Variants in PCCA observed in about 807,000 individuals in gnomAD.
PCCA encodes propionyl-CoA carboxylase subunit alpha, also known as propionyl-CoA carboxylase alpha chain, mitochondrial.
Under a neutral mutation model 101.3 loss-of-function variants are expected in PCCA, and 74 were observed. That is an observed-to-expected ratio of 0.73 (90% CI 0.61 to 0.89). The LOEUF is 0.89. Ranked by LOEUF, PCCA falls within the 40% of genes least tolerant of loss-of-function variation. The pLI, the probability that PCCA is intolerant of heterozygous loss-of-function variation, is 0.00. For synonymous variants in PCCA, 294 were observed against 313.6 expected, an observed-to-expected ratio of 0.94 and a Z score of 0.66; for missense variants, 891 against 907.0, an observed-to-expected ratio of 0.98 and a Z score of 0.23.
chr13:100,166,764 A>T (rs1369414315), intron 6 of PCCA, among the ~76,000 whole-genome samples: 1 of 150,646 alleles, frequency 6.6e-6, no homozygotes, highest in Non-Finnish European at 1.5e-5. Context: ...ATATGCTTTC[A>T]TTTTTTTTTG....
At chr13:100,410,190 C>G (rs913551486) in intron 19 of PCCA, among the ~76,000 whole-genome samples, 1 of 152,168 alleles carries the variant, frequency 6.6e-6, no homozygotes, top group Admixed American at 6.5e-5. Context: ...GACTAATTAT[C>G]TATTTTCCTT....
chr13:100,359,986 T>C (rs2074388442), intron 18 of PCCA, among the ~76,000 whole-genome samples: 1 of 152,144 alleles, frequency 6.6e-6, no homozygotes, highest in Non-Finnish European at 1.5e-5. Flanking sequence ...AAGGGACTTG[T>C]ATTAGTCCAT....
At chr13:100,178,887 C>G (rs1330755036) in intron 6 of PCCA, among the ~76,000 whole-genome samples, 3 of 151,644 alleles carry the variant, frequency 2.0e-5, no homozygotes, top group Non-Finnish European at 2.9e-5. Context: ...ACCATCTTGG[C>G]TAACACTGTG....
intron 12 of PCCA, among the ~76,000 whole-genome samples, chr13:100,275,048 G>A (rs1455018170): frequency 1.3e-5 from 2 of 151,362 alleles, no homozygotes; most frequent in Non-Finnish European, 3.0e-5. Context: ...GGCCCTTGGG[G>A]GAGGGGGTGG....
Position 100,140,103 on chromosome 13 carries a change from G to A in PCCA, c.301-14876G>A, listed in dbSNP as rs546453990. Among the ~76,000 whole-genome samples the A allele has an allele frequency of 4.1e-4, 62 of 152,226 alleles. 1 individual carries two copies. The highest frequency in any genetic ancestry group is 3.4e-3 in the Middle Eastern group (1 of 294). The stretch of plus-strand genomic sequence containing the variant: ...TCAGAAGTTCATAAACAACTTTATT[G>A]TGTCACTTCTCCATGCTAGCTTCTC... On this transcript the variant is annotated intron_variant, in intron 4 of 23. Coordinates refer to ENST00000376285, the MANE Select transcript of PCCA (RefSeq NM_000282.4).
chr13:100,472,411 A>C (rs2083090237), intron 21 of PCCA, among the ~76,000 whole-genome samples: 1 of 151,984 alleles, frequency 6.6e-6, no homozygotes, highest in Non-Finnish European at 1.5e-5. Flanking sequence ...TTGATTTTGC[A>C]GGGTGTTTGG....
chr13:100,115,231 A>G (rs1236249451), intron 4 of PCCA, among the ~76,000 whole-genome samples: 1 of 152,012 alleles, frequency 6.6e-6, no homozygotes, highest in Non-Finnish European at 1.5e-5. Context: ...AAACAATTGG[A>G]CTCATAGAGA....
chr13:100,105,337 T>C (rs963184357), intron 2 of PCCA, among the ~76,000 whole-genome samples: 2 of 152,198 alleles, frequency 1.3e-5, no homozygotes, highest in African/African-American at 2.4e-5. Flanking sequence ...ATAGGTGATA[T>C]GCTTTGGGGT....
At chr13:100,182,356 C>G (rs1043877035) in intron 6 of PCCA, among the ~76,000 whole-genome samples, 4 of 152,096 alleles carry the variant, frequency 2.6e-5, no homozygotes, top group Admixed American at 6.6e-5. Context: ...CTCGGCCTCC[C>G]AAAGTGCTAG....
intron 19 of PCCA, among the ~76,000 whole-genome samples, chr13:100,401,440 C>T (rs1253169205): frequency 6.6e-6 from 1 of 152,138 alleles, no homozygotes; most frequent in African/African-American, 2.4e-5. Flanking sequence ...GATGGGGTTT[C>T]ACTATGTTGG....
intron 18 of PCCA, among the ~76,000 whole-genome samples, chr13:100,349,773 T>C (rs969515527): frequency 2.7e-5 from 2 of 74,064 alleles, no homozygotes; most frequent in Non-Finnish European, 6.9e-5. Context: ...GGAGAACATA[T>C]CAAGTATCAC....
chr13:100,357,734 G>C (rs1171280986), intron 18 of PCCA, among the ~76,000 whole-genome samples: 3 of 152,202 alleles, frequency 2.0e-5, no homozygotes, highest in Admixed American at 1.3e-4. Flanking sequence ...CTTTTCCTCT[G>C]AAAGCAGTCA....
At chr13:100,192,015 G>A (rs1389356185) in intron 6 of PCCA, among the ~76,000 whole-genome samples, 1 of 152,206 alleles carries the variant, frequency 6.6e-6, no homozygotes, top group African/African-American at 2.4e-5. Flanking sequence ...GTGTTAAATT[G>A]TAAGAGTACT....
intron 8 of PCCA, among the ~76,000 whole-genome samples, chr13:100,241,873 G>C (rs1236738786): frequency 2.6e-5 from 4 of 152,228 alleles, no homozygotes; most frequent in Non-Finnish European, 5.9e-5. Context: ...TTGTATACCT[G>C]TTTTCAATTA....
chr13:100,365,362 T>A (rs2075059854), intron 18 of PCCA, among the ~76,000 whole-genome samples: 1 of 152,010 alleles, frequency 6.6e-6, no homozygotes, highest in Non-Finnish European at 1.5e-5. Context: ...TTTTGGAGAG[T>A]GGCAACTGTA....
intron 21 of PCCA, among the ~76,000 whole-genome samples, chr13:100,506,028 T>C (rs1019503181): frequency 1.3e-5 from 2 of 152,190 alleles, no homozygotes; most frequent in African/African-American, 4.8e-5. Context: ...AGACCTGTAT[T>C]AGCTTGATTT....
chr13:100,187,699 C>T (rs74848860), intron 6 of PCCA, among the ~76,000 whole-genome samples: 1 of 152,092 alleles, frequency 6.6e-6, no homozygotes, highest in East Asian at 1.9e-4. Flanking sequence ...ATTTTAAGTT[C>T]AGGGGTACAT....
chr13:100,386,889 A>AT (rs1415623972), intron 19 of PCCA, among the ~76,000 whole-genome samples: 2 of 152,150 alleles, frequency 1.3e-5, no homozygotes, highest in Admixed American at 6.5e-5. Flanking sequence ...TCTTTTTAGT[A>AT]TTTTTTGAAT....
At chr13:100,405,040 A>C (rs1384264767) in intron 19 of PCCA, among the ~76,000 whole-genome samples, 1 of 152,186 alleles carries the variant, frequency 6.6e-6, no homozygotes, top group Admixed American at 6.5e-5. Context: ...CCTTACCATA[A>C]GTGGAATACT....
Sources: gnomAD v4.1 joint callset for allele counts (sites outside exome capture counted in the v4.1 genomes callset) on GRCh38, gnomAD v4.1.1 for gene constraint, MANE v1.5 for transcripts, NCBI Gene and HGNC (gene_info 2026-07-23, HGNC 2026-07-21) for gene names.